Variants in NDST3 observed in about 807,000 individuals in gnomAD.
The protein encoded by NDST3 is bifunctional heparan sulfate N-deacetylase/N-sulfotransferase 3.
A neutral mutation model predicts 96.1 loss-of-function variants in NDST3; 58 were observed. The observed-to-expected ratio is 0.60, with a 90% confidence interval of 0.49 to 0.75. The LOEUF (loss-of-function observed/expected upper bound fraction) is 0.75, where lower values mean the gene tolerates loss of function less well. NDST3 is among the 30% of genes least tolerant of loss of function. NDST3 has a pLI of 0.00. For synonymous variants in NDST3, 333 were observed against 359.7 expected, an observed-to-expected ratio of 0.93 and a Z score of 0.84; for missense variants, 788 against 1,034.2, an observed-to-expected ratio of 0.76 and a Z score of 3.27.
intron 6 of NDST3, among the ~76,000 whole-genome samples, chr4:118,197,611 T>C (rs1475606099): frequency 6.6e-6 from 1 of 152,148 alleles, no homozygotes; most frequent in African/African-American, 2.4e-5. Flanking sequence ...CTATTTTGTC[T>C]GATATGAATA....
intron 4 of NDST3, among the ~76,000 whole-genome samples, chr4:118,136,787 A>G (rs1393626859): frequency 6.6e-6 from 1 of 152,126 alleles, no homozygotes; most frequent in Admixed American, 6.5e-5. Context: ...GGGCATTCCA[A>G]TTGAGGAAGA....
chr4:118,066,166 T>TTATATAA (rs1726346387), intron 2 of NDST3, among the ~76,000 whole-genome samples: 1 of 20,384 alleles, frequency 4.9e-5, no homozygotes, highest in African/African-American at 1.1e-4. Context: ...ATATTATATA[T>TTATATAA]TATATTTTAT....
At chr4:118,118,669 G>A (rs760730087) in intron 4 of NDST3, among the ~76,000 whole-genome samples, 1 of 152,110 alleles carries the variant, frequency 6.6e-6, no homozygotes, top group Non-Finnish European at 1.5e-5. Context: ...TGCAGCTTTA[G>A]AGGTTGAATG....
At chr4:118,092,170 G>A (rs771308446) in intron 2 of NDST3, among the ~76,000 whole-genome samples, 21 of 150,480 alleles carry the variant, frequency 1.4e-4, no homozygotes, top group Admixed American at 6.0e-4. Context: ...CCATTAACTC[G>A]TCATTTACAT....
Position 118,240,612 on chromosome 4 carries a change from G to C in NDST3, c.2207G>C (p.Arg736Thr), listed in dbSNP as rs372997701. The change falls in exon 11 of 14, where the codon AGA becomes ACA. Residue 736 changes from arginine to threonine, a missense_variant. Physicochemically the swap from Arg to Thr is moderately conservative, Grantham distance 71. Around this residue, in one of 3 missense-constraint regions of NDST3, gnomAD observed 490 missense variants for 708.8 expected, o/e 0.69. Transcript: ENST00000296499. ...SAGPRAPSEL[R>T]ALQKRCLVPG... Reference sequence around the variant, plus strand: ...GGGCCCCGTGCACCCTCGGAGCTCAGAGCCTTGCAGAAGAGATGTTTGGTC... The same window carrying C: ...GGGCCCCGTGCACCCTCGGAGCTCACAGCCTTGCAGAAGAGATGTTTGGTC... 1 of 1,613,808 alleles carries C rather than the reference G, an allele frequency of 6.2e-7. No individual in the cohort carries two copies. The highest frequency in any genetic ancestry group is 1.3e-5 in the African/African-American group (1 of 74,920).
At chr4:118,049,027 T>C (rs148641503) in intron 1 of NDST3, among the ~76,000 whole-genome samples, 1 of 152,160 alleles carries the variant, frequency 6.6e-6, no homozygotes, top group Non-Finnish European at 1.5e-5. Context: ...CCAAGAACAT[T>C]CACCAACCTC....
intron 9 of NDST3, 23 bp from the exon 10 acceptor site, chr4:118,237,023 T>C (rs1740688880): frequency 1.3e-6 from 2 of 1,541,252 alleles, no homozygotes; most frequent in Non-Finnish European, 1.8e-6. Flanking sequence ...AATCTTATTT[T>C]GAGAAAAATA....
At chr4:118,152,862 T>A (rs74353283) in intron 6 of NDST3, among the ~76,000 whole-genome samples, 1 of 152,212 alleles carries the variant, frequency 6.6e-6, no homozygotes, top group Admixed American at 6.5e-5. Context: ...GACTGCCTCG[T>A]CCGCTGGATT....
At chr4:118,110,798 C>T (rs1730572242) in intron 3 of NDST3, among the ~76,000 whole-genome samples, 1 of 152,054 alleles carries the variant, frequency 6.6e-6, no homozygotes, top group Admixed American at 6.6e-5. Flanking sequence ...CCCAGCAATG[C>T]CATTATTGGA....
At chr4:118,037,818 A>G (rs1724233191) in intron 1 of NDST3, among the ~76,000 whole-genome samples, 1 of 152,212 alleles carries the variant, frequency 6.6e-6, no homozygotes, top group African/African-American at 2.4e-5. Context: ...AAATGTGCCC[A>G]AGGTAACAGA....
chr4:118,160,382 T>A (rs1735014348), intron 6 of NDST3, among the ~76,000 whole-genome samples: 1 of 151,390 alleles, frequency 6.6e-6, no homozygotes, highest in Admixed American at 6.6e-5. Flanking sequence ...ATAGACAGCC[T>A]ACAAAATGGG....
chr4:118,137,166 T>C (rs1733171313), intron 4 of NDST3, among the ~76,000 whole-genome samples: 1 of 152,230 alleles, frequency 6.6e-6, no homozygotes, highest in Non-Finnish European at 1.5e-5. Flanking sequence ...AGACAGTCAT[T>C]AATTTAAAAG....
At chr4:118,125,692 C>T (rs1185478611) in intron 4 of NDST3, among the ~76,000 whole-genome samples, 4 of 152,070 alleles carry the variant, frequency 2.6e-5, no homozygotes, top group Non-Finnish European at 2.9e-5. Flanking sequence ...TAAACCTGGA[C>T]TTTAGTGACT....
chr4:118,214,211 G>C (rs1237990004), intron 6 of NDST3, among the ~76,000 whole-genome samples: 6 of 152,092 alleles, frequency 3.9e-5, no homozygotes, highest in Non-Finnish European at 7.4e-5. Flanking sequence ...GTAAAAGCAA[G>C]TAAGTGGGAA....
Position 118,054,822 on chromosome 4 carries a change from C to T in NDST3, c.912C>T (p.Tyr304=). Residue 304 remains tyrosine (Y), a synonymous_variant, in exon 2 of 14, where the codon TAC becomes TAT. Transcript: ENST00000296499. ...GGCTGACATTGTCCTTGGACAGGTA[C>T]ATTCTTGTGGATATTGATGATATAT... ...GKRLTLSLDR[Y]ILVDIDDIFV... 2 of 1,613,058 alleles carry T rather than the reference C, an allele frequency of 1.2e-6. No individual in the cohort carries two copies. Among genetic ancestry groups the T allele is most frequent in the South Asian group, 1.1e-5 (1 of 91,052 alleles).
chr4:118,163,504 A>G (rs945425482), intron 6 of NDST3, among the ~76,000 whole-genome samples: 16 of 152,198 alleles, frequency 1.1e-4, no homozygotes, highest in African/African-American at 3.6e-4. Flanking sequence ...CGCAAGAACA[A>G]AAAACCAAAC....
chr4:118,049,027 T>A (rs148641503), intron 1 of NDST3, among the ~76,000 whole-genome samples: 1 of 152,278 alleles, frequency 6.6e-6, no homozygotes, highest in East Asian at 1.9e-4. Flanking sequence ...CCAAGAACAT[T>A]CACCAACCTC....
chr4:118,035,440 T>G lies in NDST3; in HGVS notation c.-156+848T>G, dbSNP rs200754480. Among the ~76,000 whole-genome samples the G allele has an allele frequency of 3.4e-4, 5 of 14,790 alleles. 1 individual carries two copies. In the East Asian group the frequency reaches 0.015, roughly 44 times the overall value. 9.7% of individuals were successfully genotyped at this position (14,790 alleles called of 152,430 possible). A position where few individuals can be genotyped will look rare whatever the true frequency, so the allele number is the denominator to read the frequency against. ...ATCTGGGACACACACTTTTTTTTTG[T>G]TTTTTTTTTTTGCCCTTAGAAAATT... On this transcript the variant is annotated intron_variant, in intron 1 of 13. Transcript: ENST00000296499.
intron 6 of NDST3, among the ~76,000 whole-genome samples, chr4:118,213,718 C>A (rs1738993406): frequency 6.7e-6 from 1 of 149,754 alleles, no homozygotes; most frequent in Non-Finnish European, 1.5e-5. Flanking sequence ...ATAATTTATA[C>A]ATAATTTATA....
Sources: gnomAD v4.1 joint callset for allele counts (sites outside exome capture counted in the v4.1 genomes callset) on GRCh38, gnomAD v4.1.1 for gene constraint, gnomAD v4.1.1 regional missense constraint, MANE v1.5 for transcripts, NCBI Gene and HGNC (gene_info 2026-07-23, HGNC 2026-07-21) for gene names.